PAFAH1B2: variants seen among roughly 807,000 people sequenced by gnomAD.
The protein encoded by PAFAH1B2 is platelet activating factor acetylhydrolase 1b catalytic subunit 2, also known as platelet-activating factor acetylhydrolase IB subunit alpha2.
In PAFAH1B2, 8 loss-of-function variants were observed where a neutral mutation model predicts 28.0. The observed-to-expected ratio is 0.29, with a 90% CI of 0.17 to 0.52. The LOEUF (loss-of-function observed/expected upper bound fraction) is 0.52. Among genes scored for constraint, PAFAH1B2 ranks in the 20% least tolerant of loss-of-function variants. PAFAH1B2 has a pLI of 0.97. For missense variants in PAFAH1B2, 190 were observed against 282.6 expected (o/e 0.67, Z 2.35); for synonymous variants, 104 against 103.2 (o/e 1.01, Z -0.05).
chr11:117,146,578 A>G (rs889280396), intron 1 of PAFAH1B2, among the ~76,000 whole-genome samples: 2 of 152,308 alleles, frequency 1.3e-5, no homozygotes, highest in Non-Finnish European at 2.9e-5. Flanking sequence ...CTGCAGTACC[A>G]GTTACTCTGG....
At chr11:117,151,186 G>C (rs1279427744) in intron 1 of PAFAH1B2, among the ~76,000 whole-genome samples, 1 of 150,946 alleles carries the variant, frequency 6.6e-6, no homozygotes, top group Non-Finnish European at 1.5e-5. Flanking sequence ...AATTTTACTT[G>C]CTAGATGACA....
Position 117,163,860 on chromosome 11 carries a change from A to G in PAFAH1B2, c.379A>G (p.Thr127Ala). 1 of 1,614,056 alleles carries G rather than the reference A, an allele frequency of 6.2e-7. No individual in the cohort carries two copies. Among genetic ancestry groups the G allele is most frequent in the Non-Finnish European group, 8.5e-7 (1 of 1,179,958 alleles). The change falls in exon 5 of 6, where the codon ACA becomes GCA. Residue 127 changes from threonine (T) to alanine (A), a missense_variant. Thr to Ala is a moderately conservative substitution (Grantham distance 58). Coordinates refer to ENST00000527958, the MANE Select transcript of PAFAH1B2 (RefSeq NM_002572.4). ...GIEAIVQLINTRQPQAKIIVL... is the reference protein window; with the variant it reads ...GIEAIVQLINARQPQAKIIVL... ...CGAGGCCATTGTACAACTTATCAACACAAGGCAGCCACAGGCCAAAATCAT... is the reference window on the plus strand; with the variant it reads ...CGAGGCCATTGTACAACTTATCAACGCAAGGCAGCCACAGGCCAAAATCAT...
rs747827031 is a variant in PAFAH1B2 at position 117,167,638 on chromosome 11, A to G, written c.629A>G (p.His210Arg). Residue 210 changes from histidine to arginine, a missense_variant, in exon 6 of 6, where the codon CAT becomes CGT. His to Arg is a conservative substitution (Grantham distance 29). Transcript: ENST00000527958. Reference sequence around the variant, plus strand: ...TATGCAAAGATCTGCAAACCCCTGCATGAACTGATCATGCAGTTGTTGGAG... The same window carrying G: ...TATGCAAAGATCTGCAAACCCCTGCGTGAACTGATCATGCAGTTGTTGGAG... ...GGYAKICKPLHELIMQLLEET... is the reference protein window; with the variant it reads ...GGYAKICKPLRELIMQLLEET... The G allele has an allele frequency of 1.3e-6, 2 of 1,597,490 alleles. No individual in the cohort carries two copies. The highest frequency in any genetic ancestry group is 1.1e-5 in the South Asian group (1 of 88,880).
chr11:117,161,333 T>TA lies in PAFAH1B2; in HGVS notation c.288+81dup, dbSNP rs200272511. On this transcript the variant is annotated intron_variant, in intron 4 of 5. Coordinates refer to ENST00000527958, the MANE Select transcript of PAFAH1B2 (RefSeq NM_002572.4). The stretch of plus-strand genomic sequence containing the variant: ...TGGATAGTTAAATTGTCTGAAACTG[T>TA]AAAAAAAAATTGCTTCTTTAAAGAC... 1,977 of 959,878 alleles carry TA rather than the reference T, an allele frequency of 2.1e-3. 19 individuals are homozygous for TA. The African/African-American group carries it at 0.022, about 11-fold the overall frequency. The allele number at this position is 959,878 out of a possible 1,614,324, so 59.5% of individuals were successfully genotyped here. A position where few individuals can be genotyped will look rare whatever the true frequency, so the allele number is the denominator to read the frequency against.
intron 1 of PAFAH1B2, 77 bp from the exon 2 acceptor site, chr11:117,152,364 C>A: frequency 1.2e-6 from 1 of 813,830 alleles, no homozygotes; most frequent in African/African-American, 1.7e-5. Context: ...TTATTTAAAG[C>A]CTGATGTGTA....
intron 1 of PAFAH1B2, among the ~76,000 whole-genome samples, chr11:117,146,010 AC>A (rs1333559357): frequency 6.6e-6 from 1 of 152,130 alleles, no homozygotes; most frequent in Non-Finnish European, 1.5e-5. Context: ...CAGAGAACTC[AC>A]TTTAATGGAC....
rs74948615 is a variant in PAFAH1B2 at position 117,167,103 on chromosome 11, A to C, written c.412-318A>C. ...GTTGGGAGTGCCTTGGGAACATTTA[A>C]ATTTCTTTCTGTAGCTTAGAAGTTT... On this transcript the variant is annotated intron_variant, in intron 5 of 5. Coordinates refer to ENST00000527958, the MANE Select transcript of PAFAH1B2 (RefSeq NM_002572.4). Among the ~76,000 whole-genome samples the C allele has an allele frequency of 5.0e-3, 762 of 152,204 alleles. 11 individuals carry two copies. Among genetic ancestry groups the C allele is most frequent in the African/African-American group, 0.017 (698 of 41,482 alleles).
At chr11:117,160,373 C>G (rs1956347173) in intron 3 of PAFAH1B2, among the ~76,000 whole-genome samples, 1 of 152,128 alleles carries the variant, frequency 6.6e-6, no homozygotes, top group Admixed American at 6.6e-5. Flanking sequence ...AGTCATGATT[C>G]TTACTTATAT....
rs376534054 is a variant in PAFAH1B2 at position 117,152,287 on chromosome 11, A to G, written c.-7-154A>G. 5.9e-5 allele frequency among the ~76,000 whole-genome samples: 9 copies of G among 152,326 alleles called. No homozygotes were observed. The South Asian group carries it at 1.9e-3, about 32-fold the overall frequency. On this transcript the variant is annotated intron_variant, in intron 1 of 5. Coordinates refer to ENST00000527958, the MANE Select transcript of PAFAH1B2 (RefSeq NM_002572.4). ...TAGTCATGTTCTGCAATTCATCTCT[A>G]CAGAAAGTAATTGTTTCTGTTTAGT...
At chr11:117,149,640 GC>G (rs1956101977) in intron 1 of PAFAH1B2, among the ~76,000 whole-genome samples, 1 of 148,104 alleles carries the variant, frequency 6.8e-6, no homozygotes, top group Non-Finnish European at 1.5e-5. Context: ...CACCATGTTA[GC>G]CAGGATGGTC....
At chr11:117,162,096 A>C (rs565417739) in intron 4 of PAFAH1B2, among the ~76,000 whole-genome samples, 97 of 152,160 alleles carry the variant, frequency 6.4e-4, no homozygotes, top group Admixed American at 1.5e-3. Flanking sequence ...TCAGCTCCCA[A>C]AAAAGAACAA....
chr11:117,148,699 G>A (rs1956071659), intron 1 of PAFAH1B2, among the ~76,000 whole-genome samples: 2 of 152,094 alleles, frequency 1.3e-5, no homozygotes, highest in Admixed American at 1.3e-4. Context: ...GAGGCAGGAG[G>A]ATCACTTAAG....
At chr11:117,149,956 G>T (rs1956110207) in intron 1 of PAFAH1B2, among the ~76,000 whole-genome samples, 1 of 151,974 alleles carries the variant, frequency 6.6e-6, no homozygotes, top group African/African-American at 2.4e-5. Flanking sequence ...AGTTAGCTGG[G>T]TGTGGCGGTG....
Position 117,169,836 on chromosome 11 carries a change from T to C in PAFAH1B2, c.*2137T>C, listed in dbSNP as rs544997703. ...GTTTTCTATCCACGTCTTTTTCTGTTTGTCAGAAGGTGGGAGTATGGTCCA... is the reference window on the plus strand; with the variant it reads ...GTTTTCTATCCACGTCTTTTTCTGTCTGTCAGAAGGTGGGAGTATGGTCCA... On this transcript the variant is annotated 3_prime_UTR_variant, in exon 6 of 6. Coordinates refer to ENST00000527958, the MANE Select transcript of PAFAH1B2 (RefSeq NM_002572.4). 49 of 1,055,474 alleles carry C rather than the reference T, an allele frequency of 4.6e-5. No homozygotes were observed. Among genetic ancestry groups the C allele is most frequent in the Non-Finnish European group, 5.5e-5 (48 of 873,222 alleles). The allele number at this position is 1,055,474 out of a possible 1,614,324, so 65.4% of individuals were successfully genotyped here. A position where few individuals can be genotyped will look rare whatever the true frequency, so the allele number is the denominator to read the frequency against.
chr11:117,168,445 C>CCCTTTTTTTTT lies in PAFAH1B2; in HGVS notation c.*746_*747insCCTTTTTTTTT, dbSNP rs1565274998. On this transcript the variant is annotated 3_prime_UTR_variant, in exon 6 of 6. Coordinates refer to ENST00000527958, the MANE Select transcript of PAFAH1B2 (RefSeq NM_002572.4). ...TTCCCCTTCATTCCCCCCGCCACCCCGTTTTTTTTTTTTTTTTTTTTTTTT... is the reference window on the plus strand; with the variant it reads ...TTCCCCTTCATTCCCCCCGCCACCCCCCTTTTTTTTTGTTTTTTTTTTTTTTTTTTTTTTTT... The CCCTTTTTTTTT allele has an allele frequency of 2.8e-6, 1 of 352,456 alleles. No homozygotes were observed. Among genetic ancestry groups the CCCTTTTTTTTT allele is most frequent in the Non-Finnish European group, 3.4e-6 (1 of 291,814 alleles). The allele number at this position is 352,456 out of a possible 1,614,324, so 21.8% of individuals were successfully genotyped here.
In PAFAH1B2 at chr11:117,167,498, G is replaced by A. The variant is rs2134215893; in HGVS notation, c.489G>A (p.Ser163=). Residue 163 remains serine (S), a synonymous_variant, in exon 6 of 6, where the codon TCG becomes TCA. Coordinates refer to ENST00000527958, the MANE Select transcript of PAFAH1B2 (RefSeq NM_002572.4). The part of the protein sequence containing the change: ...NAKVNQLLKV[S]LPKLANVQLL... ...AGGTGAACCAACTCCTCAAGGTTTCGCTGCCGAAGCTTGCCAACGTGCAGC... is the reference window on the plus strand; with the variant it reads ...AGGTGAACCAACTCCTCAAGGTTTCACTGCCGAAGCTTGCCAACGTGCAGC... 2.5e-6 allele frequency: 4 copies of A among 1,611,828 alleles called. No individual in the cohort carries two copies. Among genetic ancestry groups the A allele is most frequent in the African/African-American group, 1.3e-5 (1 of 75,034 alleles).
At chr11:117,150,367 C>T (rs913601047) in intron 1 of PAFAH1B2, among the ~76,000 whole-genome samples, 2 of 151,628 alleles carry the variant, frequency 1.3e-5, no homozygotes, top group South Asian at 2.1e-4. Flanking sequence ...CCAGGCTGGT[C>T]TTGAACTCCT....
downstream of PAFAH1B2, chr11:117,175,089 C>A: frequency 7.9e-7 from 1 of 1,267,364 alleles, no homozygotes; most frequent in Non-Finnish European, 1.0e-6. Flanking sequence ...AACACTCAGG[C>A]TCAGGAAGGG....
At chr11:117,162,605 T>TTA (rs1433200581) in intron 4 of PAFAH1B2, among the ~76,000 whole-genome samples, 1 of 124,572 alleles carries the variant, frequency 8.0e-6, no homozygotes, top group Non-Finnish European at 1.7e-5. Context: ...TCTCTAGATT[T>TTA]AAAAAAAAAA....
Sources: gnomAD v4.1 joint callset for allele counts (sites outside exome capture counted in the v4.1 genomes callset) on GRCh38, gnomAD v4.1.1 for gene constraint, MANE v1.5 for transcripts, NCBI Gene and HGNC (gene_info 2026-07-23, HGNC 2026-07-21) for gene names.